Variants in NFX1 observed in about 807,000 individuals in gnomAD.
NFX1 encodes nuclear transcription factor, X-box binding 1.
NFX1 carries 69 observed loss-of-function variants against 137.2 expected under a neutral mutation model. That is an observed-to-expected ratio of 0.50 (90% confidence interval 0.41 to 0.61). The LOEUF is 0.61. NFX1 is among the 20% of genes least tolerant of loss of function. The pLI is 0.00. For missense variants in NFX1, 1,167 were observed against 1,391.0 expected (o/e 0.84, Z 2.56); for synonymous variants, 495 against 474.1 (o/e 1.04, Z -0.57).
At chr9:33,362,617 T>G in intron 19 of NFX1, among the ~76,000 whole-genome samples, 1 of 141,220 alleles carries the variant, frequency 7.1e-6, no homozygotes, top group Admixed American at 7.5e-5. Flanking sequence ...AGGGACAGGG[T>G]GGAAAAGGGA....
chr9:33,328,213 C>T (rs961928228), intron 9 of NFX1, among the ~76,000 whole-genome samples: 2 of 150,256 alleles, frequency 1.3e-5, no homozygotes, highest in African/African-American at 4.9e-5. Context: ...TTTTGGTAGA[C>T]ACAGGGTTTC....
chr9:33,291,771 C>T (rs909111813), intron 1 of NFX1, among the ~76,000 whole-genome samples: 1 of 152,180 alleles, frequency 6.6e-6, no homozygotes, highest in Admixed American at 6.5e-5. Context: ...GGCATGGTGG[C>T]ACGCGCCTGT....
At chr9:33,343,948 C>T in intron 13 of NFX1, 121 bp from the exon 14 acceptor site, 1 of 1,270,142 alleles carries the variant, frequency 7.9e-7, no homozygotes, top group Non-Finnish European at 1.1e-6. Context: ...AAAAAAGTAG[C>T]ACCCCCATAA....
rs1429935564 is a variant in NFX1, at chr9:33,351,599, T to G, written c.2464T>G (p.Cys822Gly). The G allele has an allele frequency of 6.2e-7, 1 of 1,614,206 alleles. No homozygotes were observed. Among genetic ancestry groups the G allele is most frequent in the African/African-American group, 1.3e-5 (1 of 75,046 alleles). ...NIPCHLVDIS[C>G]GLPCSATLPC... ...CCCCTGTCACCTGGTTGATATCTCT[T>G]GCGGATTACCCTGCAGTGCCACGCT... is the stretch of plus-strand genomic sequence containing the variant. The change falls in exon 16 of 24, where the codon TGC becomes GGC. Residue 822 changes from cysteine to glycine, a missense_variant. Around this residue, in one of 3 missense-constraint regions of NFX1, gnomAD observed 488 missense variants for 691.5 expected, o/e 0.71. Transcript: ENST00000379540.
At chr9:33,368,582 G>A (rs1406390575) in intron 23 of NFX1, among the ~76,000 whole-genome samples, 1 of 152,158 alleles carries the variant, frequency 6.6e-6, no homozygotes, top group Admixed American at 6.5e-5. Context: ...GGGAGAGGAA[G>A]GGAAGGCAGG....
At position 33,366,769 on chromosome 9, in the gene NFX1, C is replaced by G. The variant is rs759581812; in HGVS notation, c.3180C>G (p.Ala1060=). The G allele has an allele frequency of 5.6e-5, 90 of 1,613,684 alleles. No homozygotes were observed. The highest frequency in any genetic ancestry group is 7.6e-5 in the Non-Finnish European group (90 of 1,179,772). ...SEPKRNVVVT[A]IRGKSVCPPT... ...CGAAGCGCAATGTGGTGGTCACTGC[C>G]ATCAGGTAGGTCAATCCCGCCGTCA... Residue 1060 remains alanine (A), a synonymous_variant, in exon 22 of 24, where the codon GCC becomes GCG. Coordinates refer to ENST00000379540, the MANE Select transcript of NFX1 (RefSeq NM_002504.6).
chr9:33,351,854 A>G (rs1398767028), intron 16 of NFX1, 64 bp downstream of exon 16: 1 of 1,393,416 alleles, frequency 7.2e-7, no homozygotes, highest in African/African-American at 1.4e-5. Context: ...TGAATCCAGA[A>G]CTGTCTACAG....
At chr9:33,303,164 T>A (rs752195519) in intron 3 of NFX1, 27 bp from the exon 4 acceptor site, 10 of 1,598,170 alleles carry the variant, frequency 6.3e-6, no homozygotes, top group Non-Finnish European at 7.7e-6. Flanking sequence ...GAAAATTTAT[T>A]TGGCCTACTC....
rs1426207989 is a variant in NFX1 at position 33,307,877 on chromosome 9, C to T, written c.1376+578C>T. Among the ~76,000 whole-genome samples the T allele has an allele frequency of 4.7e-5, 7 of 148,276 alleles. No homozygotes were observed. The East Asian group carries it at 1.4e-3, about 29-fold the overall frequency. ...TGAGTGTGGTGGTGTGATCACAGCTCACTGCAACCGCCGCCTCTTGTGCTC... is the reference window on the plus strand; with the variant it reads ...TGAGTGTGGTGGTGTGATCACAGCTTACTGCAACCGCCGCCTCTTGTGCTC... On this transcript the variant is annotated intron_variant, in intron 5 of 23. Transcript: ENST00000379540.
intron 19 of NFX1, among the ~76,000 whole-genome samples, chr9:33,362,692 G>GTTT (rs750544815): frequency 1.1e-4 from 11 of 96,330 alleles, no homozygotes; most frequent in East Asian, 7.0e-4. Context: ...AGTTCCTGTG[G>GTTT]TTTTTTTTTT....
chr9:33,296,374 G>A (rs1821355945), intron 2 of NFX1, among the ~76,000 whole-genome samples: 2 of 152,016 alleles, frequency 1.3e-5, no homozygotes, highest in Admixed American at 1.3e-4. Context: ...GTTGCATGTG[G>A]CTCCCTCTCT....
intron 9 of NFX1, among the ~76,000 whole-genome samples, chr9:33,328,345 C>T (rs1447393562): frequency 1.3e-5 from 2 of 151,974 alleles, no homozygotes; most frequent in Admixed American, 1.3e-4. Flanking sequence ...TTAGGCAAAT[C>T]GTCGTATACT....
chr9:33,350,368 T>C (rs1395115880), intron 15 of NFX1, among the ~76,000 whole-genome samples: 1 of 150,858 alleles, frequency 6.6e-6, no homozygotes, highest in Non-Finnish European at 1.5e-5. Flanking sequence ...CTCAGAACCC[T>C]GGGCTAAGGT....
chr9:33,338,892 C>T (rs567892282), intron 12 of NFX1, among the ~76,000 whole-genome samples: 2 of 152,132 alleles, frequency 1.3e-5, no homozygotes, highest in East Asian at 1.9e-4. Context: ...ACACAGTCTT[C>T]GGCAGAAGAT....
intron 15 of NFX1, chr9:33,348,749 A>T (rs1823526878): frequency 1.0e-6 from 1 of 984,676 alleles, no homozygotes; most frequent in Non-Finnish European, 1.2e-6. Context: ...TGTACAGTTG[A>T]GAAGATTTAA....
intron 14 of NFX1, 94 bp from the exon 15 acceptor site, chr9:33,346,944 A>G: frequency 1.1e-6 from 1 of 894,736 alleles, no homozygotes; most frequent in East Asian, 2.7e-5. Context: ...TCTGAATTTA[A>G]AAGTTTCATG....
intron 12 of NFX1, 44 bp downstream of exon 12, chr9:33,338,633 TGCTGGGCTTCTGG>T: frequency 6.7e-7 from 1 of 1,499,956 alleles, no homozygotes; most frequent in Non-Finnish European, 9.0e-7. Context: ...TTCATCCAGG[TGCTGGGCTTCTGG>T]AAGCCTGAGC....
At chr9:33,314,543 G>A (rs779568439) in intron 7 of NFX1, among the ~76,000 whole-genome samples, 5 of 151,948 alleles carry the variant, frequency 3.3e-5, no homozygotes, top group African/African-American at 1.2e-4. Context: ...TGGGCGTGGT[G>A]GTGGGCGCCT....
intron 9 of NFX1, 79 bp downstream of exon 9, chr9:33,319,206 A>T: frequency 4.3e-6 from 5 of 1,156,516 alleles, no homozygotes; most frequent in Non-Finnish European, 6.4e-6. Context: ...GCAATGTAGA[A>T]GTAAGTGCTA....
Sources: gnomAD v4.1 joint callset for allele counts (sites outside exome capture counted in the v4.1 genomes callset) on GRCh38, gnomAD v4.1.1 for gene constraint, gnomAD v4.1.1 regional missense constraint, MANE v1.5 for transcripts, NCBI Gene and HGNC (gene_info 2026-07-23, HGNC 2026-07-21) for gene names.